PMEPA1: variants seen among roughly 807,000 people sequenced by gnomAD.
The protein encoded by PMEPA1 is prostate transmembrane protein, androgen induced 1, also known as protein TMEPAI.
A neutral mutation model predicts 23.0 loss-of-function variants in PMEPA1; 11 were observed. The ratio of observed to expected loss-of-function variants is 0.48; its 90% CI spans 0.30 to 0.79. The LOEUF is 0.79. PMEPA1 is among the 30% of genes least tolerant of loss of function. The pLI is 0.06. For synonymous variants in PMEPA1, 204 were observed against 166.4 expected, an observed-to-expected ratio of 1.23 and a Z score of -1.74; for missense variants, 377 against 390.9, an observed-to-expected ratio of 0.96 and a Z score of 0.30.
At chr20:57,661,600 C>T (rs1442033771) in intron 1 of PMEPA1, among the ~76,000 whole-genome samples, 2 of 152,106 alleles carry the variant, frequency 1.3e-5, no homozygotes, top group Admixed American at 6.5e-5. Context: ...GAACCAAAGC[C>T]GGGGGAGGGG....
intron 1 of PMEPA1, among the ~76,000 whole-genome samples, chr20:57,663,395 C>T (rs1359393059): frequency 1.3e-5 from 2 of 152,072 alleles, no homozygotes; most frequent in African/African-American, 4.8e-5. Context: ...CTGAGTCCAT[C>T]GCAGTCTCCC....
intron 1 of PMEPA1, among the ~76,000 whole-genome samples, chr20:57,686,556 G>A (rs1481040146): frequency 6.6e-6 from 1 of 152,192 alleles, no homozygotes; most frequent in Non-Finnish European, 1.5e-5. Flanking sequence ...TGTGAAATGG[G>A]GTCTCAACCA....
intron 1 of PMEPA1, among the ~76,000 whole-genome samples, 171 bp from the exon 2 acceptor site, chr20:57,659,868 G>A (rs1422770510): frequency 3.9e-5 from 6 of 152,228 alleles, no homozygotes; most frequent in African/African-American, 1.4e-4. Flanking sequence ...CTGGGGCTGG[G>A]GTACGTGCAG....
chr20:57,659,800 G>T, intron 1 of PMEPA1, 103 bp from the exon 2 acceptor site: 1 of 1,080,194 alleles, frequency 9.3e-7, no homozygotes, highest in Non-Finnish European at 1.3e-6. Flanking sequence ...GGGGACGAGA[G>T]TGCAACCCAG....
chr20:57,659,400 C>T (rs1297056731), intron 2 of PMEPA1, 143 bp downstream of exon 2: 2 of 825,474 alleles, frequency 2.4e-6, no homozygotes, highest in Admixed American at 2.8e-5. Flanking sequence ...GAGGAAGCTG[C>T]TGTCAGGTGG....
chr20:57,689,568 C>G (rs898985162), intron 1 of PMEPA1, among the ~76,000 whole-genome samples: 3 of 152,316 alleles, frequency 2.0e-5, no homozygotes, highest in South Asian at 4.2e-4. Context: ...AAATGAAACT[C>G]GGGGAATCCT....
intron 1 of PMEPA1, among the ~76,000 whole-genome samples, chr20:57,673,050 T>C (rs1045247247): frequency 2.0e-5 from 3 of 152,218 alleles, no homozygotes; most frequent in African/African-American, 7.2e-5. Flanking sequence ...GTAAGAGGGC[T>C]GCTCCCTGGG....
chr20:57,659,497 C>G (rs1478433920), intron 2 of PMEPA1, 46 bp downstream of exon 2: 1 of 1,593,206 alleles, frequency 6.3e-7, no homozygotes, highest in South Asian at 1.1e-5. Flanking sequence ...AAGGGGCGTC[C>G]CACTGCCGCA....
chr20:57,694,849 A>G (rs2071925321), intron 1 of PMEPA1, among the ~76,000 whole-genome samples: 1 of 152,198 alleles, frequency 6.6e-6, no homozygotes. Context: ...CAGCACTTCT[A>G]TCTCTAGATG....
intron 1 of PMEPA1, among the ~76,000 whole-genome samples, chr20:57,699,262 C>T (rs1241824129): frequency 1.3e-5 from 2 of 152,220 alleles, no homozygotes; most frequent in African/African-American, 4.8e-5. Context: ...AGCTCACACT[C>T]TCGGGCAGCC....
At chr20:57,695,556 G>A (rs1289969096) in intron 1 of PMEPA1, among the ~76,000 whole-genome samples, 1 of 152,220 alleles carries the variant, frequency 6.6e-6, no homozygotes, top group Admixed American at 6.5e-5. Flanking sequence ...TCTTTGGGAG[G>A]CTGAAGCAGG....
intron 2 of PMEPA1, among the ~76,000 whole-genome samples, chr20:57,658,588 A>G (rs1247370033): frequency 6.6e-6 from 1 of 152,204 alleles, no homozygotes; most frequent in African/African-American, 2.4e-5. Context: ...GCTCTGTGCT[A>G]AAGCCCTGAA....
chr20:57,684,723 C>T (rs1424728856), intron 1 of PMEPA1, among the ~76,000 whole-genome samples: 1 of 152,142 alleles, frequency 6.6e-6, no homozygotes, highest in Non-Finnish European at 1.5e-5. Flanking sequence ...TCAACTAGCC[C>T]TGATATTTTC....
At chr20:57,677,431 C>T (rs1285384919) in intron 1 of PMEPA1, among the ~76,000 whole-genome samples, 4 of 152,210 alleles carry the variant, frequency 2.6e-5, no homozygotes, top group Non-Finnish European at 4.4e-5. Context: ...AAGAAAGCGC[C>T]TCGATGACCC....
chr20:57,687,611 C>T (rs58858967), intron 1 of PMEPA1, among the ~76,000 whole-genome samples: 3,054 of 152,278 alleles, frequency 0.02, 91 homozygotes, highest in African/African-American at 0.07. Context: ...ACTTTTTTGG[C>T]CAACTCTTCC....
At chr20:57,688,306 C>T (rs6123719) in intron 1 of PMEPA1, among the ~76,000 whole-genome samples, 7 of 152,058 alleles carry the variant, frequency 4.6e-5, no homozygotes, top group African/African-American at 1.5e-4. Flanking sequence ...ATCAGGGTTC[C>T]TCAACCTCCA....
chr20:57,691,710 C>G (rs1448083591), intron 1 of PMEPA1: 1 of 152,344 alleles, frequency 6.6e-6, no homozygotes, highest in South Asian at 2.1e-4. Context: ...ACTCTCACCC[C>G]TCTCAGAGGA....
In PMEPA1 at chr20:57,651,724, T is replaced by G. The variant is rs1427510062; in HGVS notation, c.*329A>C. On this transcript the variant is annotated 3_prime_UTR_variant, in exon 4 of 4. Coordinates refer to ENST00000341744, the MANE Select transcript of PMEPA1 (RefSeq NM_020182.5). ...TCTTTAAAGTTAAGTGAAATTATCA[T>G]AAACAAAAGAAAATAAGCATTCACG... is the stretch of plus-strand genomic sequence containing the variant. The G allele has an allele frequency of 5.6e-6, 1 of 177,852 alleles. No individual in the cohort carries two copies. The highest frequency in any genetic ancestry group is 1.2e-5 in the Non-Finnish European group (1 of 85,526). 11.0% of individuals were successfully genotyped at this position (177,852 alleles called of 1,614,324 possible).
intron 1 of PMEPA1, among the ~76,000 whole-genome samples, chr20:57,697,104 G>A (rs1223684116): frequency 6.6e-6 from 1 of 152,140 alleles, no homozygotes; most frequent in African/African-American, 2.4e-5. Context: ...AACTGCCTTG[G>A]GACTCACACA....
Sources: gnomAD v4.1 joint callset for allele counts (sites outside exome capture counted in the v4.1 genomes callset) on GRCh38, gnomAD v4.1.1 for gene constraint, MANE v1.5 for transcripts, NCBI Gene and HGNC (gene_info 2026-07-23, HGNC 2026-07-21) for gene names.